Variants in TNXB observed in about 807,000 individuals in gnomAD.
TNXB encodes the protein tenascin-X.
In TNXB, 183 loss-of-function variants were observed where a neutral mutation model predicts 340.5. The observed-to-expected ratio is 0.54, with a 90% CI of 0.48 to 0.61. The LOEUF (loss-of-function observed/expected upper bound fraction) is 0.61. TNXB is among the 20% of genes least tolerant of loss of function. The pLI is 0.00. For synonymous variants in TNXB, 2,121 were observed against 2,314.5 expected (o/e 0.92, Z 2.40); for missense variants, 4,613 against 5,446.4 (o/e 0.85, Z 4.82).
rs1776571864 is a variant in TNXB, at chr6:32,043,384, C to A, written c.11650+53G>T. 5.1e-5 allele frequency: 23 copies of A among 452,410 alleles called. No individual in the cohort carries two copies. The East Asian group carries it at 7.5e-4, about 15-fold the overall frequency. The allele number at this position is 452,410 out of a possible 1,614,324, so 28.0% of individuals were successfully genotyped here. A position where few individuals can be genotyped will look rare whatever the true frequency, so the allele number is the denominator to read the frequency against. On this transcript the variant is annotated intron_variant, in intron 36 of 43. Coordinates refer to ENST00000644971, the MANE Select transcript of TNXB (RefSeq NM_001365276.2). ...TCCTCGGCCAGAGTCCAGCCTCCCC[C>A]CTGCAATCCCCACCCTGAACAAGTC...
Position 32,096,159 on chromosome 6 carries a change from C to A in TNXB, c.1694G>T (p.Gly565Val), listed in dbSNP as rs752314278. 2.5e-6 allele frequency: 4 copies of A among 1,582,120 alleles called. No homozygotes were observed. In the African/African-American group the frequency reaches 5.4e-5, roughly 21 times the overall value. The stretch of plus-strand genomic sequence containing the variant: ...CCGCCCATCTAGGCACTGGCCGCGG[C>A]CTCGGCAGCCCCCGGGGCAGCTGCG... ...STRSCPGGCRGRGQCLDGRCV... is the reference protein window; with the variant it reads ...STRSCPGGCRVRGQCLDGRCV... The change falls in exon 3 of 44, where the codon GGC becomes GTC. Residue 565 changes from glycine to valine, a missense_variant. Transcript: ENST00000644971.
rs1190301201 is a variant in TNXB at position 32,096,172 on chromosome 6, C to T, written c.1681G>A (p.Gly561Arg). Residue 561 changes from glycine to arginine, a missense_variant, in exon 3 of 44, where the codon GGG becomes AGG. Physicochemically the swap from Gly to Arg is moderately radical, Grantham distance 125. This residue lies in a region of TNXB where 4,327 missense variants were observed against 4,859.4 expected (regional missense o/e 0.89). Transcript: ENST00000644971. The part of the protein sequence containing the change: ...GEDCSTRSCP[G>R]GCRGRGQCLD... ...CACTGGCCGCGGCCTCGGCAGCCCC[C>T]GGGGCAGCTGCGCGTGCTGCAGTCT... The T allele has an allele frequency of 1.3e-6, 2 of 1,574,704 alleles. No homozygotes were observed. The highest frequency in any genetic ancestry group is 1.7e-6 in the Non-Finnish European group (2 of 1,162,742).
In TNXB at chr6:32,064,282, G is replaced by A. The variant is rs1189746689; in HGVS notation, c.6841+539C>T. 1.3e-5 allele frequency among the ~76,000 whole-genome samples: 2 copies of A among 152,068 alleles called. No individual in the cohort carries two copies. Among genetic ancestry groups the A allele is most frequent in the African/African-American group, 4.8e-5 (2 of 41,388 alleles). Reference sequence around the variant, plus strand: ...GGCTGGAGTGCAGTGGCTCGATCTCGGCTCACTGCAACCTCCGCCTCCTGG... The same window carrying A: ...GGCTGGAGTGCAGTGGCTCGATCTCAGCTCACTGCAACCTCCGCCTCCTGG... On this transcript the variant is annotated intron_variant, in intron 19 of 43. Transcript: ENST00000644971. This position sits in a 1 kb window ranked among gnomAD's most constrained non-coding sequence, Gnocchi z 5.3.
rs1779886205 is a variant in TNXB at position 32,087,898 on chromosome 6, G to A, written c.2779+887C>T. 2.6e-6 allele frequency: 1 copy of A among 377,898 alleles called. No homozygotes were observed. The highest frequency in any genetic ancestry group is 2.2e-5 in the African/African-American group (1 of 44,720). The allele number at this position is 377,898 out of a possible 1,614,324, so 23.4% of individuals were successfully genotyped here. The stretch of plus-strand genomic sequence containing the variant: ...CTCTGCTGGCCTCGAGGGCCAAGGG[G>A]GCCGTGGGGGCCGCGGGGCTGGGGC... On this transcript the variant is annotated intron_variant, in intron 6 of 43. Transcript: ENST00000644971. This position sits in a 1 kb window ranked among gnomAD's most constrained non-coding sequence, Gnocchi z 9.0.
rs745479525 is a variant in TNXB, at chr6:32,048,470, C to T, written c.9938G>A (p.Arg3313Gln). The change falls in exon 29 of 44, where the codon CGA (arginine) becomes CAA (glutamine). Residue 3313 changes from arginine to glutamine, a missense_variant. Arg to Gln is a conservative substitution (Grantham distance 43, BLOSUM62 1). Coordinates refer to ENST00000644971, the MANE Select transcript of TNXB (RefSeq NM_001365276.2). ...GTCCAGCCCCGAGACGGCGACCGCT[C>T]GGAGGTCTCCGCTCACAGGCACTGC... ...PQAVPVSGDLRAVAVSGLDPA... is the reference protein window; with the variant it reads ...PQAVPVSGDLQAVAVSGLDPA... The T allele has an allele frequency of 1.1e-5, 18 of 1,599,190 alleles. No individual in the cohort carries two copies. The highest frequency in any genetic ancestry group is 6.7e-5 in the East Asian group (3 of 44,676).
chr6:32,062,124 G>T lies in TNXB; in HGVS notation c.7168+33C>A. 1 of 1,594,414 alleles carries T rather than the reference G, an allele frequency of 6.3e-7. No individual in the cohort carries two copies. ...AGAGCAAGAGGGTGACCCTCCCATG[G>T]CTCCCACCCTGGGGCTCCCATCGTC... On this transcript the variant is annotated intron_variant, in intron 20 of 43. Coordinates refer to ENST00000644971, the MANE Select transcript of TNXB (RefSeq NM_001365276.2). The surrounding 1 kb of genome is among the most constrained non-coding windows in gnomAD (Gnocchi z 4.3).
Position 32,096,788 on chromosome 6 carries a change from GCCGTCCACGCAGCGC to G in TNXB, c.1050_1064del (p.Asp354_Val358del), listed in dbSNP as rs946796214. 6.3e-7 allele frequency: 1 copy of G among 1,576,026 alleles called. No homozygotes were observed. Among genetic ancestry groups the G allele is most frequent in the Non-Finnish European group, 8.6e-7 (1 of 1,162,688 alleles). On this transcript the variant is annotated inframe_deletion, in exon 3 of 44. Coordinates refer to ENST00000644971, the MANE Select transcript of TNXB (RefSeq NM_001365276.2). ...TGTACCCGGGCCAGCACACGCAGCGGCCGTCCACGCAGCGCCCGCCCTCGCCACAGTCCCAGGGGC... is the reference window on the plus strand; with the variant it reads ...TGTACCCGGGCCAGCACACGCAGCGGCCGCCCTCGCCACAGTCCCAGGGGC...
In TNXB at chr6:32,074,071, G is replaced by A; in HGVS notation, c.4376-119C>T. 4.0e-6 allele frequency: 4 copies of A among 996,698 alleles called. No individual in the cohort carries two copies. Among genetic ancestry groups the A allele is most frequent in the Non-Finnish European group, 5.6e-6 (4 of 713,890 alleles). The allele number at this position is 996,698 out of a possible 1,614,324, so 61.7% of individuals were successfully genotyped here. On this transcript the variant is annotated intron_variant, in intron 11 of 43. Coordinates refer to ENST00000644971, the MANE Select transcript of TNXB (RefSeq NM_001365276.2). This position sits in a 1 kb window ranked among gnomAD's most constrained non-coding sequence, Gnocchi z 5.5. ...AGATGGAGTCTCGCTGTCACCCAGA[G>A]CAGTGGGCGACCTCGGCTCACTGCA... is the stretch of plus-strand genomic sequence containing the variant.
At chr6:32,095,458 G>A (rs1441020285) in intron 3 of TNXB, 153 bp downstream of exon 3, 3 of 968,326 alleles carry the variant, frequency 3.1e-6, no homozygotes, top group Non-Finnish European at 4.5e-6. Context: ...CCACTGGAAA[G>A]CCCCACCCCT....
Position 32,070,235 on chromosome 6 carries a change from G to A in TNXB, c.5170C>T (p.Arg1724Cys), listed in dbSNP as rs897784867. ...TCCAGAGGGGTGACAGTGACAGAGC[G>A]CTCATGGCCCTCCACGGGCACCACC... ...PQVVPVEGHERSVTVTPLDAG... is the reference protein window; with the variant it reads ...PQVVPVEGHECSVTVTPLDAG... Residue 1724 changes from arginine to cysteine, a missense_variant, in exon 14 of 44, where the codon CGC (arginine) becomes TGC (cysteine). Transcript: ENST00000644971. The surrounding 1 kb of genome is among the most constrained non-coding windows in gnomAD (Gnocchi z 6.0). 6.8e-6 allele frequency: 11 copies of A among 1,610,622 alleles called. No homozygotes were observed. Among genetic ancestry groups the A allele is most frequent in the East Asian group, 2.2e-5 (1 of 44,764 alleles).
chr6:32,042,653 T>G, intron 39 of TNXB, 46 bp downstream of exon 39: 1 of 1,428,454 alleles, frequency 7.0e-7, no homozygotes, highest in South Asian at 1.2e-5. Flanking sequence ...CCTTAGGCCC[T>G]GGCTGCCCAC....
In TNXB at chr6:32,089,915, A is replaced by T. The variant is rs1780002736; in HGVS notation, c.2359-536T>A. On this transcript the variant is annotated intron_variant, in intron 4 of 43. Transcript: ENST00000644971. The surrounding 1 kb of genome is among the most constrained non-coding windows in gnomAD (Gnocchi z 6.2). ...AAGCTTGGTCCTGTCAGAACAAATG[A>T]AGTAGATCAAGGATGCCCCTTCAAG... Among the ~76,000 whole-genome samples the T allele has an allele frequency of 6.6e-6, 1 of 152,194 alleles. No individual in the cohort carries two copies. The highest frequency in any genetic ancestry group is 6.5e-5 in the Admixed American group (1 of 15,284).
At chr6:32,104,940 A>G (rs1407539073) in intron 1 of TNXB, among the ~76,000 whole-genome samples, 1 of 152,022 alleles carries the variant, frequency 6.6e-6, no homozygotes, top group Non-Finnish European at 1.5e-5. Flanking sequence ...TCCAGCCCTG[A>G]CCCTTCCCTC....
rs1311184703 is a variant in TNXB at position 32,081,616 on chromosome 6, C to T, written c.3794G>A (p.Gly1265Glu). Residue 1265 changes from glycine to glutamate, a missense_variant, in exon 10 of 44, where the codon GGG becomes GAG. Transcript: ENST00000644971. The surrounding 1 kb of genome is among the most constrained non-coding windows in gnomAD (Gnocchi z 5.1). ...GGTCACGCCGGTCACTGTCAGTTCC[C>T]CCAGGAGGGGCTGCTCCAGGAACTC... is the stretch of plus-strand genomic sequence containing the variant. ...RPEFLEQPLLGELTVTGVTPD... is the reference protein window; with the variant it reads ...RPEFLEQPLLEELTVTGVTPD... 2 of 1,600,408 alleles carry T rather than the reference C, an allele frequency of 1.2e-6. No homozygotes were observed. Among genetic ancestry groups the T allele is most frequent in the African/African-American group, 1.3e-5 (1 of 74,868 alleles).
chr6:32,095,236 A>G (rs1046566394), intron 3 of TNXB, 45 bp from the exon 4 acceptor site: 2 of 1,429,684 alleles, frequency 1.4e-6, no homozygotes, highest in Admixed American at 2.0e-5. Context: ...GCACAAGGCA[A>G]CCACCCCCAC....
At chr6:32,088,760 T>C (rs1779934449) in intron 6 of TNXB, 25 bp downstream of exon 6, 1 of 1,549,228 alleles carries the variant, frequency 6.5e-7, no homozygotes, top group Non-Finnish European at 8.7e-7. Context: ...ACCAGGGCCC[T>C]TCCCTAACCT....
rs372988912 is a variant in TNXB, at chr6:32,058,199, G to A, written c.7684C>T (p.Arg2562Trp). ...FTVQYKDRDG[R>W]PQAVRVGGQE... ...CCCCCAACACGCACCGCCTGGGGCC[G>A]CCCGTCCCTGTCCTTGTACTGCACG... The change falls in exon 22 of 44, where the codon CGG (arginine) becomes TGG (tryptophan). Residue 2562 changes from arginine (R) to tryptophan (W), a missense_variant. Coordinates refer to ENST00000644971, the MANE Select transcript of TNXB (RefSeq NM_001365276.2). This position sits in a 1 kb window ranked among gnomAD's most constrained non-coding sequence, Gnocchi z 5.1. 8.7e-6 allele frequency: 14 copies of A among 1,612,168 alleles called. No homozygotes were observed. The highest frequency in any genetic ancestry group is 4.5e-5 in the East Asian group (2 of 44,872).
At position 32,080,349 on chromosome 6, in the gene TNXB, T is replaced by G. The variant is rs1283288977; in HGVS notation, c.4043-984A>C. On this transcript the variant is annotated intron_variant, in intron 10 of 43. Transcript: ENST00000644971. The surrounding 1 kb of genome is among the most constrained non-coding windows in gnomAD (Gnocchi z 4.3). ...CCTCATCCTCTTGAGTAGCTGGGAC[T>G]ACAGGCACCTGCCACCATGCCTGGC... 6.6e-6 allele frequency among the ~76,000 whole-genome samples: 1 copy of G among 152,182 alleles called. No individual in the cohort carries two copies. Among genetic ancestry groups the G allele is most frequent in the African/African-American group, 2.4e-5 (1 of 41,448 alleles).
chr6:32,071,614 C>T (rs1448155327), intron 13 of TNXB, among the ~76,000 whole-genome samples: 1 of 144,338 alleles, frequency 6.9e-6, no homozygotes, highest in African/African-American at 2.6e-5. Flanking sequence ...GAGACGGAGT[C>T]TGGCTCTATC....
Sources: allele counts gnomAD v4.1 joint callset (sites outside exome capture counted in the v4.1 genomes callset), GRCh38; gene constraint gnomAD v4.1.1; regional missense constraint gnomAD v4.1.1; non-coding constraint Gnocchi (gnomAD v3.1); transcripts MANE v1.5; gene names NCBI Gene and HGNC (gene_info 2026-07-23, HGNC 2026-07-21).